Variants in ALK observed in about 807,000 individuals in gnomAD.
The protein encoded by ALK is ALK receptor tyrosine kinase, also known as ALK tyrosine kinase receptor.
Under a neutral mutation model 163.1 loss-of-function variants are expected in ALK, and 74 were observed. The observed-to-expected ratio is 0.45, with a 90% confidence interval of 0.38 to 0.55. The LOEUF (loss-of-function observed/expected upper bound fraction) is 0.55, where lower values mean the gene tolerates loss of function less well. Among genes scored for constraint, ALK ranks in the 20% least tolerant of loss-of-function variants. The pLI is 0.00. For missense variants in ALK, 2,063 were observed against 2,105.3 expected, an observed-to-expected ratio of 0.98 and a Z score of 0.39; for synonymous variants, 960 against 843.2, an observed-to-expected ratio of 1.14 and a Z score of -2.40.
At chr2:29,791,301 TA>T (rs1664183001) in intron 1 of ALK, among the ~76,000 whole-genome samples, 1 of 152,040 alleles carries the variant, frequency 6.6e-6, no homozygotes, top group South Asian at 2.1e-4. Context: ...TATGCAGCCA[TA>T]AAAAAGGATG....
intron 23 of ALK, among the ~76,000 whole-genome samples, chr2:29,218,431 C>G (rs1290504488): frequency 6.6e-6 from 1 of 152,060 alleles, no homozygotes; most frequent in Non-Finnish European, 1.5e-5. Flanking sequence ...GAGGGTGGCA[C>G]TCTGGGGTGG....
rs924707254 is a variant in ALK at position 29,227,726 on chromosome 2, AAC to A, written c.2816-56_2816-55del. 148 of 1,387,536 alleles carry A rather than the reference AAC, an allele frequency of 1.1e-4. No homozygotes were observed. Among genetic ancestry groups the A allele is most frequent in the Non-Finnish European group, 1.3e-4 (124 of 975,134 alleles). 86.0% of individuals were successfully genotyped at this position (1,387,536 alleles called of 1,614,324 possible). On this transcript the variant is annotated intron_variant, in intron 16 of 28. Transcript: ENST00000389048. The surrounding 1 kb of genome is among the most constrained non-coding windows in gnomAD (Gnocchi z 4.4). ...CATGGGGGGTGGGTGCCAAAATCTT[AAC>A]ACACACACACGTCAGTGGGGCATGC...
intron 1 of ALK, among the ~76,000 whole-genome samples, chr2:29,858,763 G>A (rs1666208593): frequency 6.7e-6 from 1 of 149,874 alleles, no homozygotes; most frequent in Admixed American, 6.7e-5. Flanking sequence ...ACAAGGTCAG[G>A]TGCTGTGGTT....
chr2:29,462,281 G>C (rs1259879657), intron 4 of ALK, among the ~76,000 whole-genome samples: 1 of 152,176 alleles, frequency 6.6e-6, no homozygotes, highest in Non-Finnish European at 1.5e-5. Flanking sequence ...AGCAGGGTTT[G>C]AGAGGATTAA....
chr2:29,716,031 T>A (rs144629512), intron 2 of ALK, among the ~76,000 whole-genome samples: 7 of 152,150 alleles, frequency 4.6e-5, no homozygotes, highest in Non-Finnish European at 1.0e-4. Flanking sequence ...AAGAGCGTTA[T>A]AGATGAGAGA....
At chr2:29,639,229 G>A (rs1366205351) in intron 3 of ALK, among the ~76,000 whole-genome samples, 3 of 152,050 alleles carry the variant, frequency 2.0e-5, no homozygotes, top group Non-Finnish European at 2.9e-5. Context: ...TCACACTTCT[G>A]GGTCACCTGA....
In ALK at chr2:29,464,848, A is replaced by C. The variant is rs78136189; in HGVS notation, c.1154+67067T>G. 1.2e-3 allele frequency among the ~76,000 whole-genome samples: 186 copies of C among 152,330 alleles called. 1 individual carries two copies. The highest frequency in any genetic ancestry group is 3.8e-3 in the African/African-American group (159 of 41,568). On this transcript the variant is annotated intron_variant, in intron 4 of 28. Coordinates refer to ENST00000389048, the MANE Select transcript of ALK (RefSeq NM_004304.5). ...GTGTTAATAGTGACAAAGTTGAGAA[A>C]CCTTGTTGTAGAGGAACAGATCATT...
intron 5 of ALK, among the ~76,000 whole-genome samples, chr2:29,347,052 A>C (rs185297209): frequency 6.6e-6 from 1 of 152,154 alleles, no homozygotes. Context: ...TTTGCATAGC[A>C]CTCTCCGTTT....
chr2:29,239,914 T>C (rs911502388), intron 12 of ALK, 84 bp from the exon 13 acceptor site: 4 of 1,502,950 alleles, frequency 2.7e-6, no homozygotes, highest in Non-Finnish European at 3.6e-6. Flanking sequence ...TCCAGTGGGC[T>C]AAGCACATCG....
intron 3 of ALK, among the ~76,000 whole-genome samples, chr2:29,583,019 T>C (rs1316552855): frequency 6.7e-6 from 1 of 149,610 alleles, no homozygotes; most frequent in African/African-American, 2.5e-5. Flanking sequence ...TGTGCCACCA[T>C]GCCTGGCTAA....
At chr2:29,505,148 G>T (rs1335222966) in intron 4 of ALK, among the ~76,000 whole-genome samples, 1 of 152,200 alleles carries the variant, frequency 6.6e-6, no homozygotes, top group African/African-American at 2.4e-5. Flanking sequence ...TAAATTGATA[G>T]CCTTTGGGCT....
At chr2:29,540,370 C>T (rs910009477) in intron 3 of ALK, among the ~76,000 whole-genome samples, 3 of 151,926 alleles carry the variant, frequency 2.0e-5, no homozygotes, top group African/African-American at 4.8e-5. Flanking sequence ...TTTCTAGCCT[C>T]GAGGTTTTAA....
rs149971709 is a variant in ALK, at chr2:29,639,060, A to G, written c.952+55790T>C. Among the ~76,000 whole-genome samples, 3 of 152,344 alleles carry G rather than the reference A, an allele frequency of 2.0e-5. No homozygotes were observed. The East Asian group carries it at 5.8e-4, about 29-fold the overall frequency. ...AGAATTAGAAAGTAGCTGAAATTATAGTCTTAGCTAAGAAAACACTCTAAT... is the reference window on the plus strand; with the variant it reads ...AGAATTAGAAAGTAGCTGAAATTATGGTCTTAGCTAAGAAAACACTCTAAT... On this transcript the variant is annotated intron_variant, in intron 3 of 28. Coordinates refer to ENST00000389048, the MANE Select transcript of ALK (RefSeq NM_004304.5).
At chr2:29,372,587 T>A (rs1012924162) in intron 5 of ALK, among the ~76,000 whole-genome samples, 2 of 152,190 alleles carry the variant, frequency 1.3e-5, no homozygotes, top group Non-Finnish European at 2.9e-5. Context: ...TCCCATTTAA[T>A]CCTCACATGG....
At chr2:29,465,295 A>G (rs1051671787) in intron 4 of ALK, among the ~76,000 whole-genome samples, 2 of 152,228 alleles carry the variant, frequency 1.3e-5, no homozygotes, top group African/African-American at 4.8e-5. Context: ...GTTAAAAGAA[A>G]AAAAGATTGT....
intron 4 of ALK, among the ~76,000 whole-genome samples, chr2:29,495,528 T>C (rs1392398490): frequency 6.6e-6 from 1 of 152,212 alleles, no homozygotes; most frequent in Non-Finnish European, 1.5e-5. Context: ...TTACTAGCCC[T>C]GGTGGTTTTC....
intron 4 of ALK, among the ~76,000 whole-genome samples, chr2:29,418,915 T>C (rs1207333537): frequency 6.6e-6 from 1 of 150,410 alleles, no homozygotes; most frequent in African/African-American, 2.5e-5. Context: ...GAAAAATTAT[T>C]TTTAAAGTGT....
chr2:29,836,568 G>C (rs144193001), intron 1 of ALK, among the ~76,000 whole-genome samples: 1 of 152,244 alleles, frequency 6.6e-6, no homozygotes, highest in South Asian at 2.1e-4. Flanking sequence ...AAGAGAGTTT[G>C]TCCTGCTAAG....
intron 3 of ALK, among the ~76,000 whole-genome samples, chr2:29,687,006 A>G (rs779252786): frequency 6.6e-6 from 1 of 152,076 alleles, no homozygotes; most frequent in Non-Finnish European, 1.5e-5. Flanking sequence ...AGAACCAGAG[A>G]ACTAATGTGG....
Sources: allele counts gnomAD v4.1 joint callset (sites outside exome capture counted in the v4.1 genomes callset), GRCh38; gene constraint gnomAD v4.1.1; non-coding constraint Gnocchi (gnomAD v3.1); transcripts MANE v1.5; gene names NCBI Gene and HGNC (gene_info 2026-07-23, HGNC 2026-07-21).